The following DDX60L variants were observed in gnomAD, a reference collection of about 807,000 sequenced individuals.
DDX60L encodes the protein probable ATP-dependent RNA helicase DDX60-like.
Under a neutral mutation model 211.6 loss-of-function variants are expected in DDX60L, and 191 were observed. The ratio of observed to expected loss-of-function variants is 0.90; its 90% CI spans 0.80 to 1.02. The LOEUF is 1.02. Ranked by LOEUF, DDX60L falls within the 50% of genes least tolerant of loss-of-function variation. The pLI, the probability that DDX60L is intolerant of heterozygous loss-of-function variation, is 0.00. For synonymous variants in DDX60L, 706 were observed against 694.1 expected (o/e 1.02, Z -0.27); for missense variants, 2,007 against 1,984.1 (o/e 1.01, Z -0.22).
chr4:168,375,651 C>T (rs1489227), intron 33 of DDX60L, 127 bp from the exon 34 acceptor site: 636,434 of 844,082 alleles, frequency 0.75, 242,603 homozygotes, highest in East Asian at 0.86. Context: ...GATTACTTTA[C>T]TCACCTGTGA....
rs1561022450 is a variant in DDX60L, at chr4:168,415,783, TTA to T, written c.2741_2742del (p.Val914GlufsTer18). On this transcript the variant is annotated frameshift_variant, in exon 21 of 38. Coordinates refer to ENST00000682922, the MANE Select transcript of DDX60L (RefSeq NM_001012967.3). LOFTEE classifies it high-confidence loss of function. ...TTGTCTGCCTGTTTCCAGTACTGTT[TTA>T]CTGATTGCAGCCACCTTACAGAATA... is the stretch of plus-strand genomic sequence containing the variant. Reference protein sequence around the residue: ...PNLLTKWLQSVKQYWKQADKI... With the variant: ...PNLLTKWLQSXKQYWKQADKI... The T allele has an allele frequency of 6.4e-7, 1 of 1,564,750 alleles. No homozygotes were observed. Among genetic ancestry groups the T allele is most frequent in the African/African-American group, 1.4e-5 (1 of 73,510 alleles).
At chr4:168,452,631 C>A (rs1209908753) in intron 8 of DDX60L, among the ~76,000 whole-genome samples, 1 of 151,796 alleles carries the variant, frequency 6.6e-6, no homozygotes, top group Admixed American at 6.6e-5. Context: ...TAATATGTAG[C>A]ATATATCGTA....
chr4:168,406,763 T>C, intron 22 of DDX60L, 57 bp from the exon 23 acceptor site: 1 of 1,250,860 alleles, frequency 8.0e-7, no homozygotes. Context: ...TGTTTATATT[T>C]CTTTTATTTT....
chr4:168,474,314 T>C (rs1759205682), intron 1 of DDX60L, among the ~76,000 whole-genome samples: 1 of 152,158 alleles, frequency 6.6e-6, no homozygotes, highest in South Asian at 2.1e-4. Flanking sequence ...ACAGCTTTTT[T>C]ATTAAGCACT....
rs781112342 is a variant in DDX60L at position 168,373,685 on chromosome 4, C to T, written c.4757G>A (p.Arg1586Gln). 3.3e-5 allele frequency: 54 copies of T among 1,613,564 alleles called. No individual in the cohort carries two copies. In the Middle Eastern group the frequency reaches 1.8e-3, roughly 54 times the overall value. ...ACTTACCTGGTTGATAGTCTCTGGT[C>T]GAAGCAAATCATTATCTGTGTTCCC... ...LSGNTDNDLL[R>Q]PETINQVILR... The change falls in exon 35 of 38, where the codon CGA (arginine) becomes CAA (glutamine). Residue 1586 changes from arginine (R) to glutamine (Q), a missense_variant. Arg to Gln is a conservative substitution (Grantham distance 43). Transcript: ENST00000682922.
At chr4:168,426,974 T>C in intron 14 of DDX60L, 96 bp downstream of exon 14, 3 of 1,286,982 alleles carry the variant, frequency 2.3e-6, no homozygotes, top group South Asian at 1.6e-5. Context: ...CAATGGATTA[T>C]ACAAAGTTTT....
chr4:168,377,470 G>A (rs1176792730), intron 33 of DDX60L, among the ~76,000 whole-genome samples: 7 of 152,102 alleles, frequency 4.6e-5, no homozygotes, highest in African/African-American at 7.2e-5. Flanking sequence ...AGCTTCAGCT[G>A]AGAACCATGT....
At chr4:168,392,821 C>T (rs933818015) in intron 28 of DDX60L, among the ~76,000 whole-genome samples, 6 of 133,186 alleles carry the variant, frequency 4.5e-5, no homozygotes, top group African/African-American at 1.5e-4. Flanking sequence ...GCCTGGGCAA[C>T]AAGAGTGAAA....
At chr4:168,380,096 C>A in intron 30 of DDX60L, 1 of 299,586 alleles carries the variant, frequency 3.3e-6, no homozygotes, top group Non-Finnish European at 6.1e-6. Context: ...CAGTGGTGAC[C>A]AATAGTGGCC....
Position 168,376,822 on chromosome 4 carries a change from T to C in DDX60L, c.4486-1298A>G, listed in dbSNP as rs79751235. ...GAGCAAGCTCTTGGAAGGTAGCAAC[T>C]ATGTTTCCCAATCATGATTTTTGCT... On this transcript the variant is annotated intron_variant, in intron 33 of 37. Coordinates refer to ENST00000682922, the MANE Select transcript of DDX60L (RefSeq NM_001012967.3). 5.9e-3 allele frequency among the ~76,000 whole-genome samples: 901 copies of C among 152,348 alleles called. 3 individuals carry two copies. The highest frequency in any genetic ancestry group is 8.0e-3 in the Non-Finnish European group (545 of 68,032).
chr4:168,370,785 A>T (rs1056457303), intron 36 of DDX60L, among the ~76,000 whole-genome samples: 1 of 152,180 alleles, frequency 6.6e-6, no homozygotes, highest in Non-Finnish European at 1.5e-5. Flanking sequence ...AGAATTATTT[A>T]AAAATGTATG....
At chr4:168,456,958 C>T (rs1284393681) in intron 6 of DDX60L, among the ~76,000 whole-genome samples, 1 of 152,026 alleles carries the variant, frequency 6.6e-6, no homozygotes, top group African/African-American at 2.4e-5. Flanking sequence ...CAGCTATAAT[C>T]CCAAGACTTT....
At position 168,419,412 on chromosome 4, in the gene DDX60L, G is replaced by A; in HGVS notation, c.2515-15C>T. 1 of 1,543,518 alleles carries A rather than the reference G, an allele frequency of 6.5e-7. No individual in the cohort carries two copies. Among genetic ancestry groups the A allele is most frequent in the Non-Finnish European group, 8.8e-7 (1 of 1,136,738 alleles). ...GTAATAAGTACCTACAAATATGAAT[G>A]ATTAGTGTAGCTAACTTTATGGAGC... On this transcript the variant is annotated splice_polypyrimidine_tract_variant and intron_variant, in intron 18 of 37. Transcript: ENST00000682922.
At chr4:168,359,572 C>T (rs1041934359) in intron 37 of DDX60L, among the ~76,000 whole-genome samples, 2 of 152,184 alleles carry the variant, frequency 1.3e-5, no homozygotes, top group African/African-American at 4.8e-5. Flanking sequence ...GGTATAGCCT[C>T]CAGCTTTAGC....
Position 168,432,584 on chromosome 4 carries a change from T to G in DDX60L, c.1401-14A>C. On this transcript the variant is annotated splice_polypyrimidine_tract_variant and intron_variant, in intron 11 of 37. Transcript: ENST00000682922. The stretch of plus-strand genomic sequence containing the variant: ...ACCGGATCATCACTGTAAAAATAAA[T>G]ACATAATTTTTTTAAATTTTAAGCT... 1 of 1,453,682 alleles carries G rather than the reference T, an allele frequency of 6.9e-7. No homozygotes were observed. Among genetic ancestry groups the G allele is most frequent in the Non-Finnish European group, 9.2e-7 (1 of 1,083,606 alleles). The allele number at this position is 1,453,682 out of a possible 1,614,324, so 90.0% of individuals were successfully genotyped here.
At position 168,415,711 on chromosome 4, in the gene DDX60L, G is replaced by A; in HGVS notation, c.2815C>T (p.Leu939Phe). 2 of 1,604,388 alleles carry A rather than the reference G, an allele frequency of 1.2e-6. No individual in the cohort carries two copies. Among genetic ancestry groups the A allele is most frequent in the South Asian group, 1.1e-5 (1 of 89,508 alleles). Residue 939 changes from leucine to phenylalanine, a missense_variant, in exon 21 of 38, where the codon CTC becomes TTC. Transcript: ENST00000682922. ...CISEKQADKC[L>F]NFLQDHSYKN... is the part of the protein sequence containing the mutation. ...TATGAATGGTCTTGGAGAAAGTTGA[G>A]ACATTTGTCAGCCTGTTTTTCAGAA... is the stretch of plus-strand genomic sequence containing the variant.
chr4:168,440,404 G>A (rs1051452954), intron 10 of DDX60L, among the ~76,000 whole-genome samples: 2 of 152,144 alleles, frequency 1.3e-5, no homozygotes, highest in Non-Finnish European at 2.9e-5. Context: ...TCTACCTAAA[G>A]TTATATGTAA....
At chr4:168,430,758 G>C in intron 12 of DDX60L, 120 bp from the exon 13 acceptor site, 1 of 729,156 alleles carries the variant, frequency 1.4e-6, no homozygotes, top group Non-Finnish European at 2.0e-6. Context: ...AATGAGGTCA[G>C]ATTACCATAC....
intron 4 of DDX60L, among the ~76,000 whole-genome samples, chr4:168,467,798 AG>A (rs1647979693): frequency 6.6e-6 from 1 of 152,224 alleles, no homozygotes; most frequent in African/African-American, 2.4e-5. Flanking sequence ...AGAAAATAGA[AG>A]AGGAAAATGG....
Sources: gnomAD v4.1 joint callset for allele counts (sites outside exome capture counted in the v4.1 genomes callset) on GRCh38, gnomAD v4.1.1 for gene constraint, MANE v1.5 for transcripts, NCBI Gene and HGNC (gene_info 2026-07-23, HGNC 2026-07-21) for gene names.